The following SLC8A1 variants were observed in gnomAD, a reference collection of about 807,000 sequenced individuals.
The protein encoded by SLC8A1 is solute carrier family 8 member A1.
A neutral mutation model predicts 68.3 loss-of-function variants in SLC8A1; 18 were observed. The ratio of observed to expected loss-of-function variants is 0.26; its 90% CI spans 0.18 to 0.39. The LOEUF (loss-of-function observed/expected upper bound fraction) is 0.39, where lower values mean the gene tolerates loss of function less well. SLC8A1 is among the 10% of genes least tolerant of loss of function. SLC8A1 has a pLI of 1.00. For synonymous variants in SLC8A1, 475 were observed against 415.5 expected (o/e 1.14, Z -1.74); for missense variants, 985 against 1,156.7 (o/e 0.85, Z 2.15).
At chr2:40,257,391 C>A (rs1309548886) in intron 2 of SLC8A1, among the ~76,000 whole-genome samples, 3 of 147,600 alleles carry the variant, frequency 2.0e-5, no homozygotes, top group Non-Finnish European at 4.5e-5. Flanking sequence ...CTGAAAAAAT[C>A]AATGACGATT....
At chr2:40,247,726 A>AACTT (rs2149004195) in intron 2 of SLC8A1, among the ~76,000 whole-genome samples, 1 of 152,370 alleles carries the variant, frequency 6.6e-6, no homozygotes, top group South Asian at 2.1e-4. Context: ...ATGCATAAAT[A>AACTT]ACTTACAAGA....
chr2:40,468,794 G>C (rs1703839615), intron 1 of SLC8A1, among the ~76,000 whole-genome samples: 1 of 151,902 alleles, frequency 6.6e-6, no homozygotes, highest in Non-Finnish European at 1.5e-5. Context: ...GCCTTTCCTG[G>C]GCTGGGTGTG....
Position 40,408,636 on chromosome 2 carries a change from A to G in SLC8A1, c.1808+19837T>C, listed in dbSNP as rs185841213. ...CCCAACTGTGGGAATTGAAACTACA[A>G]TAACAGCTTCTAATGAACAAGTTTC... On this transcript the variant is annotated intron_variant, in intron 2 of 7. Transcript: ENST00000406785. Among the ~76,000 whole-genome samples the G allele has an allele frequency of 4.5e-3, 693 of 152,308 alleles. 5 individuals carry two copies. Among genetic ancestry groups the G allele is most frequent in the Non-Finnish European group, 6.2e-3 (423 of 68,018 alleles).
At chr2:40,165,137 C>A in intron 4 of SLC8A1, 153 bp from the exon 8 acceptor site, 1 of 835,516 alleles carries the variant, frequency 1.2e-6, no homozygotes, top group Non-Finnish European at 1.9e-6. Context: ...AAGAGCCAGA[C>A]AGACACTTGG....
intron 2 of SLC8A1, among the ~76,000 whole-genome samples, chr2:40,309,793 C>T (rs1200427839): frequency 6.6e-6 from 1 of 152,084 alleles, no homozygotes; most frequent in Admixed American, 6.6e-5. Flanking sequence ...CGTGAGCTAT[C>T]GTTCCCATCC....
At chr2:40,249,478 C>T (rs978960898) in intron 2 of SLC8A1, among the ~76,000 whole-genome samples, 1 of 152,112 alleles carries the variant, frequency 6.6e-6, no homozygotes, top group Non-Finnish European at 1.5e-5. Context: ...TTTTCATAAC[C>T]CTTAGTGCTT....
chr2:40,305,075 G>A (rs1255383910), intron 2 of SLC8A1, among the ~76,000 whole-genome samples: 2 of 152,220 alleles, frequency 1.3e-5, no homozygotes, highest in Non-Finnish European at 2.9e-5. Context: ...CTTCCCAGGT[G>A]ATAGCCATTC....
chr2:40,245,709 C>G (rs745993955), intron 2 of SLC8A1, among the ~76,000 whole-genome samples: 7 of 151,444 alleles, frequency 4.6e-5, no homozygotes, highest in Non-Finnish European at 1.0e-4. Flanking sequence ...CATTCCTTCT[C>G]TTGACTATCT....
At chr2:40,119,218 C>T (rs1046001001) in intron 7 of SLC8A1, among the ~76,000 whole-genome samples, 8 of 152,106 alleles carry the variant, frequency 5.3e-5, no homozygotes, top group African/African-American at 1.9e-4. Context: ...GCCAAAGTGA[C>T]TAGCTTGTCA....
At chr2:40,207,366 T>C (rs1245512294) in intron 2 of SLC8A1, among the ~76,000 whole-genome samples, 4 of 152,012 alleles carry the variant, frequency 2.6e-5, no homozygotes, top group African/African-American at 9.7e-5. Flanking sequence ...TTAGGGAGAA[T>C]GACAAAGATA....
At position 40,111,736 on chromosome 2, in the gene SLC8A1, C is replaced by G. The variant is rs1275222396; in HGVS notation, c.*3517G>C. Reference sequence around the variant, plus strand: ...TCGTTAATGCGAGGCAGAAGTTCTACAAGAGGAATATAACATATGAAACTA... The same window carrying G: ...TCGTTAATGCGAGGCAGAAGTTCTAGAAGAGGAATATAACATATGAAACTA... On this transcript the variant is annotated 3_prime_UTR_variant, in exon 8 of 8. Transcript: ENST00000406785. 3 of 152,222 alleles carry G rather than the reference C, an allele frequency of 2.0e-5. No homozygotes were observed. The East Asian group carries it at 5.8e-4, about 29-fold the overall frequency. The allele number at this position is 152,222 out of a possible 1,614,324, so 9.4% of individuals were successfully genotyped here.
chr2:40,383,873 C>T (rs901067268), intron 2 of SLC8A1, among the ~76,000 whole-genome samples: 1 of 152,062 alleles, frequency 6.6e-6, no homozygotes, highest in Non-Finnish European at 1.5e-5. Context: ...TTTAGAGATA[C>T]AATGTAGTCC....
At chr2:40,266,306 G>A (rs530968454) in intron 2 of SLC8A1, among the ~76,000 whole-genome samples, 25 of 152,128 alleles carry the variant, frequency 1.6e-4, no homozygotes, top group African/African-American at 5.1e-4. Flanking sequence ...CACATCTAAG[G>A]AACAGTTTCA....
intron 2 of SLC8A1, among the ~76,000 whole-genome samples, chr2:40,202,861 G>A (rs188723398): frequency 1.3e-5 from 2 of 152,076 alleles, no homozygotes; most frequent in East Asian, 3.9e-4. Context: ...TTTTCTCTAT[G>A]CCCAGGTAGA....
At chr2:40,383,735 TG>T (rs1682671658) in intron 2 of SLC8A1, among the ~76,000 whole-genome samples, 1 of 152,126 alleles carries the variant, frequency 6.6e-6, no homozygotes. Flanking sequence ...TCAATTTATT[TG>T]GCAAGACACT....
chr2:40,447,879 C>G (rs770501945), intron 1 of SLC8A1, among the ~76,000 whole-genome samples: 1 of 152,208 alleles, frequency 6.6e-6, no homozygotes, highest in African/African-American at 2.4e-5. Context: ...AGAGCTTTTC[C>G]TCTTCCACAT....
rs1052185260 is a variant in SLC8A1, at chr2:40,253,140, T to C, written c.1809-75285A>G. On this transcript the variant is annotated intron_variant, in intron 2 of 7. Coordinates refer to ENST00000406785, the Ensembl canonical transcript of SLC8A1. ...ATACATATATACACGTATATATGTA[T>C]ATGTATATACATACATATATATGTA... 1.6e-4 allele frequency among the ~76,000 whole-genome samples: 17 copies of C among 104,044 alleles called. 1 individual carries two copies. The highest frequency in any genetic ancestry group is 7.6e-4 in the African/African-American group (16 of 21,162). The allele number at this position is 104,044 out of a possible 152,430, so 68.3% of individuals were successfully genotyped here.
intron 7 of SLC8A1, among the ~76,000 whole-genome samples, chr2:40,125,245 A>G (rs994260696): frequency 6.6e-6 from 1 of 152,214 alleles, no homozygotes; most frequent in Admixed American, 6.5e-5. Context: ...AGCATCCTAT[A>G]TACTACACAC....
intron 6 of SLC8A1, among the ~76,000 whole-genome samples, chr2:40,140,430 G>A (rs1274354952): frequency 6.6e-6 from 1 of 152,090 alleles, no homozygotes; most frequent in Non-Finnish European, 1.5e-5. Context: ...ACCCATGCTG[G>A]GAACTCCTTC....
Sources: allele counts gnomAD v4.1 joint callset (sites outside exome capture counted in the v4.1 genomes callset), GRCh38; gene constraint gnomAD v4.1.1; transcripts MANE v1.5; gene names NCBI Gene and HGNC (gene_info 2026-07-23, HGNC 2026-07-21).